The following EXOC6B variants were observed in gnomAD, a reference collection of about 807,000 sequenced individuals.
EXOC6B encodes the protein exocyst complex component 6B, also known as SEC15 homolog B.
In EXOC6B, 54 loss-of-function variants were observed where a neutral mutation model predicts 113.5. That is an observed-to-expected ratio of 0.48 (90% CI 0.38 to 0.60). The LOEUF is 0.60. Among genes scored for constraint, EXOC6B ranks in the 20% least tolerant of loss-of-function variants. The probability of loss-of-function intolerance (pLI) is 0.00; values close to 1 mark genes in which losing one functional copy is unlikely to be tolerated. For missense variants in EXOC6B, 797 were observed against 977.5 expected (o/e 0.82, Z 2.46); for synonymous variants, 357 against 339.0 (o/e 1.05, Z -0.58).
chr2:72,461,808 G>A (rs1697696543), intron 18 of EXOC6B: 1 of 151,912 alleles, frequency 6.6e-6, no homozygotes, highest in Non-Finnish European at 1.5e-5. Flanking sequence ...CTAGCAGCAG[G>A]TATGAAAATA....
intron 8 of EXOC6B, among the ~76,000 whole-genome samples, chr2:72,550,638 A>G (rs1232495489): frequency 6.6e-6 from 1 of 152,190 alleles, no homozygotes; most frequent in Non-Finnish European, 1.5e-5. Flanking sequence ...TTTACTTTTA[A>G]ATGGGCAGTT....
chr2:72,266,882 C>A (rs992696693), intron 20 of EXOC6B, among the ~76,000 whole-genome samples: 2 of 152,154 alleles, frequency 1.3e-5, no homozygotes, highest in Admixed American at 6.5e-5. Flanking sequence ...TTCTTCCTAC[C>A]CATGAGCATA....
At chr2:72,485,988 T>C (rs1699401907) in intron 16 of EXOC6B, among the ~76,000 whole-genome samples, 1 of 152,240 alleles carries the variant, frequency 6.6e-6, no homozygotes, top group Non-Finnish European at 1.5e-5. Context: ...AATTATAAAG[T>C]ATCAGATGAA....
intron 20 of EXOC6B, among the ~76,000 whole-genome samples, chr2:72,332,495 T>C (rs901111411): frequency 1.3e-5 from 2 of 152,070 alleles, no homozygotes; most frequent in Admixed American, 1.3e-4. Context: ...ATTCCTCTAA[T>C]TGGGGATGCC....
intron 18 of EXOC6B, among the ~76,000 whole-genome samples, chr2:72,385,087 G>A (rs1457474991): frequency 6.6e-6 from 1 of 152,034 alleles, no homozygotes; most frequent in Non-Finnish European, 1.5e-5. Flanking sequence ...AGATGGAGCT[G>A]TCACATAGTC....
chr2:72,281,483 C>A (rs1685128445), intron 20 of EXOC6B, among the ~76,000 whole-genome samples: 1 of 151,742 alleles, frequency 6.6e-6, no homozygotes. Flanking sequence ...AATTCTAGCT[C>A]TGAAAAAAAG....
intron 20 of EXOC6B, among the ~76,000 whole-genome samples, chr2:72,262,280 T>C (rs1683777685): frequency 1.3e-5 from 2 of 151,876 alleles, no homozygotes; most frequent in African/African-American, 4.8e-5. Flanking sequence ...CCTCTCTGTG[T>C]AAAGAAGGTC....
intron 18 of EXOC6B, among the ~76,000 whole-genome samples, chr2:72,437,938 G>A (rs907243173): frequency 6.6e-6 from 1 of 151,916 alleles, no homozygotes; most frequent in Admixed American, 6.5e-5. Flanking sequence ...GACTACTAAT[G>A]CAATTTATGT....
intron 14 of EXOC6B, among the ~76,000 whole-genome samples, chr2:72,495,869 A>C (rs947248942): frequency 6.6e-6 from 1 of 152,204 alleles, no homozygotes; most frequent in African/African-American, 2.4e-5. Flanking sequence ...AGTCTCAAGA[A>C]GTTATATACT....
chr2:72,560,144 C>G (rs915164439), intron 7 of EXOC6B, among the ~76,000 whole-genome samples: 5 of 151,154 alleles, frequency 3.3e-5, no homozygotes, highest in Non-Finnish European at 7.4e-5. Context: ...TTAATTAAAC[C>G]TAGACATCAA....
chr2:72,428,959 G>A (rs1220365637), intron 18 of EXOC6B, among the ~76,000 whole-genome samples: 2 of 152,306 alleles, frequency 1.3e-5, no homozygotes, highest in East Asian at 3.9e-4. Context: ...AGTAAAAGAT[G>A]AAAGCAGATG....
At chr2:72,303,908 A>C (rs148956810) in intron 20 of EXOC6B, among the ~76,000 whole-genome samples, 4 of 152,284 alleles carry the variant, frequency 2.6e-5, no homozygotes, top group African/African-American at 9.6e-5. Context: ...AGCCCTGCTC[A>C]GTGAGGAGAA....
Position 72,453,672 on chromosome 2 carries a change from T to A in EXOC6B, c.1980+11488A>T, listed in dbSNP as rs144911091. Among the ~76,000 whole-genome samples the A allele has an allele frequency of 3.3e-5, 5 of 152,330 alleles. No homozygotes were observed. In the East Asian group the frequency reaches 9.6e-4, roughly 29 times the overall value. Reference sequence around the variant, plus strand: ...AGTTTATATAACAGTTTGCCTATCATTACACAGTTAAGGTTTTTAATTATT... The same window carrying A: ...AGTTTATATAACAGTTTGCCTATCAATACACAGTTAAGGTTTTTAATTATT... On this transcript the variant is annotated intron_variant, in intron 18 of 21. Coordinates refer to ENST00000272427, the MANE Select transcript of EXOC6B (RefSeq NM_015189.3).
chr2:72,252,816 C>T (rs1683110548), intron 20 of EXOC6B, among the ~76,000 whole-genome samples: 3 of 152,172 alleles, frequency 2.0e-5, no homozygotes, highest in African/African-American at 2.4e-5. Flanking sequence ...CCCTCAGCAT[C>T]ATGCAATATA....
chr2:72,477,387 C>A (rs1408304155), intron 17 of EXOC6B, among the ~76,000 whole-genome samples: 1 of 152,094 alleles, frequency 6.6e-6, no homozygotes, highest in Non-Finnish European at 1.5e-5. Flanking sequence ...ATACACACAC[C>A]CAATCTAGTA....
intron 18 of EXOC6B, among the ~76,000 whole-genome samples, chr2:72,408,475 GC>G (rs1242131376): frequency 3.9e-5 from 6 of 152,122 alleles, no homozygotes; most frequent in Non-Finnish European, 7.3e-5. Context: ...ATACTACAAG[GC>G]TACAGTAACC....
chr2:72,626,442 T>G (rs1333818267), intron 6 of EXOC6B, among the ~76,000 whole-genome samples: 1 of 152,188 alleles, frequency 6.6e-6, no homozygotes, highest in East Asian at 1.9e-4. Flanking sequence ...TTCTCTAGAT[T>G]TAAATGGGTT....
intron 6 of EXOC6B, among the ~76,000 whole-genome samples, chr2:72,635,738 A>G (rs1672770704): frequency 6.6e-6 from 1 of 152,234 alleles, no homozygotes; most frequent in African/African-American, 2.4e-5. Context: ...CCAGACAAAG[A>G]CAGTACTAAA....
chr2:72,622,113 C>T (rs905182149), intron 6 of EXOC6B, among the ~76,000 whole-genome samples: 1 of 151,320 alleles, frequency 6.6e-6, no homozygotes, highest in Non-Finnish European at 1.5e-5. Context: ...TAAATCATTA[C>T]AATGACTACC....
Sources: gnomAD v4.1 joint callset for allele counts (sites outside exome capture counted in the v4.1 genomes callset) on GRCh38, gnomAD v4.1.1 for gene constraint, MANE v1.5 for transcripts, NCBI Gene and HGNC (gene_info 2026-07-23, HGNC 2026-07-21) for gene names.